Variants in SCFD1 observed in about 807,000 individuals in gnomAD.
SCFD1 encodes the protein sec1 family domain-containing protein 1.
A neutral mutation model predicts 103.2 loss-of-function variants in SCFD1; 37 were observed. The observed-to-expected ratio is 0.36, with a 90% CI of 0.28 to 0.47. The LOEUF (loss-of-function observed/expected upper bound fraction) is 0.47, where lower values mean the gene tolerates loss of function less well. SCFD1 is among the 20% of genes least tolerant of loss of function. The probability of loss-of-function intolerance (pLI) is 1.00; values close to 1 mark genes in which losing one functional copy is unlikely to be tolerated. For missense variants in SCFD1, 639 were observed against 761.2 expected (o/e 0.84, Z 1.89); for synonymous variants, 264 against 245.0 (o/e 1.08, Z -0.73).
intron 16 of SCFD1, 46 bp downstream of exon 16, chr14:30,700,304 G>A: frequency 8.7e-7 from 1 of 1,151,356 alleles, no homozygotes; most frequent in Non-Finnish European, 1.3e-6. Flanking sequence ...ATGCTTGTTT[G>A]TAGACTACTA....
rs1594554292 is a variant in SCFD1, at chr14:30,630,361, G to A, written c.133-116G>A. 1.2e-5 allele frequency: 8 copies of A among 686,314 alleles called. No individual in the cohort carries two copies. The East Asian group carries it at 2.2e-4, about 19-fold the overall frequency. The allele number at this position is 686,314 out of a possible 1,614,324, so 42.5% of individuals were successfully genotyped here. ...GATGGAAAATGTTAAATTGAGGCAA[G>A]GATAACAATTCAGTATATATGATGT... On this transcript the variant is annotated intron_variant, in intron 2 of 24. Coordinates refer to ENST00000458591, the MANE Select transcript of SCFD1 (RefSeq NM_016106.4).
At position 30,694,790 on chromosome 14, in the gene SCFD1, A is replaced by G. The variant is rs779510909; in HGVS notation, c.1260A>G (p.Val420=). Residue 420 remains valine, a synonymous_variant, in exon 15 of 25, where the codon GTA becomes GTG. Coordinates refer to ENST00000458591, the MANE Select transcript of SCFD1 (RefSeq NM_016106.4). ...LEHIKARKLD[V]YFEYEEKIMS... ...TGAAACAGGCAAGAAAATTGGATGT[A>G]TATTTTGAATATGAAGAAAAAATAA... The G allele has an allele frequency of 3.8e-6, 6 of 1,582,156 alleles. No individual in the cohort carries two copies. In the South Asian group the frequency reaches 4.7e-5, roughly 13 times the overall value.
At chr14:30,668,506 A>G (rs1176242693) in intron 10 of SCFD1, among the ~76,000 whole-genome samples, 1 of 152,216 alleles carries the variant, frequency 6.6e-6, no homozygotes, top group African/African-American at 2.4e-5. Flanking sequence ...CTTCATGACT[A>G]AAACACCAAA....
intron 15 of SCFD1, among the ~76,000 whole-genome samples, chr14:30,698,964 A>G (rs953716290): frequency 2.0e-5 from 3 of 152,200 alleles, no homozygotes; most frequent in Non-Finnish European, 4.4e-5. Flanking sequence ...ACAGATCTCA[A>G]TAGCACTTCA....
At chr14:30,647,052 A>G (rs1594600164) in intron 7 of SCFD1, among the ~76,000 whole-genome samples, 1 of 151,984 alleles carries the variant, frequency 6.6e-6, no homozygotes, top group African/African-American at 2.4e-5. Flanking sequence ...TTATTCTTTC[A>G]AAGAAACAAC....
intron 10 of SCFD1, among the ~76,000 whole-genome samples, chr14:30,655,130 AGATACCCT>A (rs1886779689): frequency 6.6e-6 from 1 of 152,242 alleles, no homozygotes; most frequent in Non-Finnish European, 1.5e-5. Flanking sequence ...AGAAGGTGGA[AGATACCCT>A]GAAAGACAGT....
chr14:30,637,086 A>G (rs1884799285), intron 4 of SCFD1, among the ~76,000 whole-genome samples: 1 of 152,046 alleles, frequency 6.6e-6, no homozygotes. Context: ...CATTAGGTAT[A>G]TTCATTGTGA....
At chr14:30,697,453 TTA>T (rs1890775905) in intron 15 of SCFD1, among the ~76,000 whole-genome samples, 1 of 152,168 alleles carries the variant, frequency 6.6e-6, no homozygotes, top group African/African-American at 2.4e-5. Context: ...CATAGGATAT[TTA>T]TGCAGTTTCA....
intron 10 of SCFD1, among the ~76,000 whole-genome samples, chr14:30,658,861 A>G (rs1887164351): frequency 6.6e-6 from 1 of 152,192 alleles, no homozygotes; most frequent in Admixed American, 6.6e-5. Context: ...TATTAACACA[A>G]AACCTCTTGG....
intron 14 of SCFD1, among the ~76,000 whole-genome samples, chr14:30,692,199 C>T (rs949916639): frequency 6.6e-6 from 1 of 152,066 alleles, no homozygotes; most frequent in African/African-American, 2.4e-5. Context: ...GGTCTGTATA[C>T]ACCCCGTTCT....
At chr14:30,734,358 G>GA in intron 23 of SCFD1, 1 of 180,492 alleles carries the variant, frequency 5.5e-6, no homozygotes, top group East Asian at 1.3e-4. Flanking sequence ...ATACTGTGTT[G>GA]CTCAAGTGAG....
Position 30,660,062 on chromosome 14 carries a change from C to T in SCFD1, c.855+6474C>T, listed in dbSNP as rs890303935. Among the ~76,000 whole-genome samples, 5 of 152,148 alleles carry T rather than the reference C, an allele frequency of 3.3e-5. No individual in the cohort carries two copies. The East Asian group carries it at 7.7e-4, about 23-fold the overall frequency. ...TGATAATTTCCTGGTGATATACCCG[C>T]TCTGTATTGATTGTTTCAAAGATGC... On this transcript the variant is annotated intron_variant, in intron 10 of 24. Coordinates refer to ENST00000458591, the MANE Select transcript of SCFD1 (RefSeq NM_016106.4).
At chr14:30,658,018 G>T in intron 10 of SCFD1, 1 of 445,066 alleles carries the variant, frequency 2.2e-6, no homozygotes, top group East Asian at 7.0e-5. Flanking sequence ...TCCTTTTATT[G>T]GGATATAAGA....
chr14:30,635,172 T>A (rs1344156959), intron 4 of SCFD1: 4 of 346,996 alleles, frequency 1.2e-5, no homozygotes, highest in South Asian at 8.9e-5. Context: ...TCTTTTACCC[T>A]GCGTAAACTC....
chr14:30,684,803 C>CTTTTTTTTTTTTTT (rs780577178), intron 14 of SCFD1, among the ~76,000 whole-genome samples: 2 of 54,884 alleles, frequency 3.6e-5, no homozygotes, highest in African/African-American at 1.9e-4. Flanking sequence ...GCAATTGTTT[C>CTTTTTTTTTTTTTT]TTTTTTTTTT....
intron 3 of SCFD1, 82 bp downstream of exon 3, chr14:30,630,647 T>C (rs1477367010): frequency 1.2e-6 from 1 of 847,664 alleles, no homozygotes; most frequent in East Asian, 2.5e-5. Flanking sequence ...ACAGTATTTA[T>C]GTAGTATTGA....
At chr14:30,658,470 G>A in intron 10 of SCFD1, 1 of 153,994 alleles carries the variant, frequency 6.5e-6, no homozygotes, top group Non-Finnish European at 1.4e-5. Context: ...TCGGCTCACT[G>A]CAACCTCTGC....
Position 30,700,191 on chromosome 14 carries a change from G to C in SCFD1, c.1343G>C (p.Gly448Ala). The change falls in exon 16 of 25, where the codon GGA becomes GCA. Residue 448 changes from glycine to alanine, a missense_variant. Transcript: ENST00000458591. Reference protein sequence around the residue: ...LLDIISDPDAGTPEDKMRLFL... With the variant: ...LLDIISDPDAATPEDKMRLFL... ...TAACCTCTTTTCCCCTATGCAGCAG[G>C]AACTCCAGAAGATAAAATGAGGTTG... 5 of 1,607,742 alleles carry C rather than the reference G, an allele frequency of 3.1e-6. No individual in the cohort carries two copies. Among genetic ancestry groups the C allele is most frequent in the Non-Finnish European group, 2.6e-6 (3 of 1,174,774 alleles).
intron 12 of SCFD1, among the ~76,000 whole-genome samples, chr14:30,673,556 G>C (rs1156520240): frequency 6.6e-6 from 1 of 152,058 alleles, no homozygotes; most frequent in Non-Finnish European, 1.5e-5. Context: ...ATATAATGTA[G>C]CATCATTTTA....
Sources: allele counts gnomAD v4.1 joint callset (sites outside exome capture counted in the v4.1 genomes callset), GRCh38; gene constraint gnomAD v4.1.1; transcripts MANE v1.5; gene names NCBI Gene and HGNC (gene_info 2026-07-23, HGNC 2026-07-21).